The following MORN1 variants were observed in gnomAD, a reference collection of about 807,000 sequenced individuals.
MORN1 encodes MORN repeat-containing protein 1.
A neutral mutation model predicts 61.9 loss-of-function variants in MORN1; 67 were observed. The observed-to-expected ratio is 1.08, with a 90% CI of 0.89 to 1.33. MORN1 has a LOEUF of 1.33. Among genes scored for constraint, MORN1 ranks in the 40% most tolerant of loss-of-function variants. The probability of loss-of-function intolerance (pLI) is 0.00; values close to 1 mark genes in which losing one functional copy is unlikely to be tolerated. For missense variants in MORN1, 752 were observed against 691.2 expected (o/e 1.09, Z -0.99); for synonymous variants, 301 against 292.0 (o/e 1.03, Z -0.31).
rs767913017 is a variant in MORN1, at chr1:2,385,014, G to A, written c.501C>T (p.His167=). The stretch of plus-strand genomic sequence containing the variant: ...AGCCGTCGGCGCAGCGCAGCACCCC[G>A]TGTCCCTGACGCCGGTCCCGGACCC... ...GDWVRDRRQG[H]GVLRCADGST... The change falls in exon 6 of 14, where the codon CAC becomes CAT. Residue 167 remains histidine, a synonymous_variant. Coordinates refer to ENST00000378531, the MANE Select transcript of MORN1 (RefSeq NM_024848.3). 6 of 1,597,912 alleles carry A rather than the reference G, an allele frequency of 3.8e-6. No individual in the cohort carries two copies. Among genetic ancestry groups the A allele is most frequent in the Non-Finnish European group, 5.1e-6 (6 of 1,173,888 alleles).
chr1:2,374,614 C>T (rs2100342436), intron 6 of MORN1, 57 bp from the exon 7 acceptor site: 2 of 1,461,314 alleles, frequency 1.4e-6, no homozygotes, highest in Non-Finnish European at 1.9e-6. Context: ...TTTGTGGGTC[C>T]CCGCATGGCA....
At chr1:2,325,136 C>CTCCCTCCCTCCCTTCCTTCCCTTCCT (rs1640984842) in intron 12 of MORN1, among the ~76,000 whole-genome samples, 1 of 5,320 alleles carries the variant, frequency 1.9e-4, no homozygotes. Flanking sequence ...CCTTCCTTCC[C>CTCCCTCCCTCCCTTCCTTCCCTTCCT]TCCCTCCCTC....
At chr1:2,332,351 A>T in intron 12 of MORN1, 1 of 340,626 alleles carries the variant, frequency 2.9e-6, no homozygotes. Flanking sequence ...TGGTGAGCAT[A>T]GCCCGGCCAC....
At chr1:2,385,091 C>T in intron 5 of MORN1, 26 bp from the exon 6 acceptor site, 1 of 1,567,608 alleles carries the variant, frequency 6.4e-7, no homozygotes, top group Non-Finnish European at 8.6e-7. Flanking sequence ...ACGGAGTCCA[C>T]TCTCAACAGG....
At chr1:2,324,863 G>A (rs1238383666) in intron 12 of MORN1, among the ~76,000 whole-genome samples, 2 of 151,994 alleles carry the variant, frequency 1.3e-5, no homozygotes, top group South Asian at 4.1e-4. Context: ...GGGCACCCAC[G>A]GGCTGGGGCA....
At chr1:2,368,521 T>G (rs1041720377) in intron 8 of MORN1, among the ~76,000 whole-genome samples, 1 of 152,164 alleles carries the variant, frequency 6.6e-6, no homozygotes, top group Non-Finnish European at 1.5e-5. Context: ...GCATGATGCG[T>G]TGGTGGGCGT....
rs1018508560 is a variant in MORN1 at position 2,344,498 on chromosome 1, A to G, written c.1037-7648T>C. Among the ~76,000 whole-genome samples the G allele has an allele frequency of 2.0e-5, 3 of 152,156 alleles. No individual in the cohort carries two copies. The East Asian group carries it at 5.8e-4, about 29-fold the overall frequency. ...CGGGGTGTGGGGTGCAGGAGCCCCA[A>G]GGCCGATGCTGCTGAGGAGGCCAGG... On this transcript the variant is annotated intron_variant, in intron 10 of 13. Coordinates refer to ENST00000378531, the MANE Select transcript of MORN1 (RefSeq NM_024848.3).
Position 2,336,506 on chromosome 1 carries a change from TC to T in MORN1, c.1212del (p.Thr405HisfsTer28), listed in dbSNP as rs1557870908. 7 of 1,612,440 alleles carry T rather than the reference TC, an allele frequency of 4.3e-6. No homozygotes were observed. The highest frequency in any genetic ancestry group is 2.2e-5 in the South Asian group (2 of 91,042). ...GRSRGGLHPR[G>X]TPPTAQEPPG... is the part of the protein sequence containing the mutation. ...GGAGGCTCCTGTGCCGTGGGTGGTG[TC>T]CCCCTGGGGTGCAGGCCGCCTCTGG... On this transcript the variant is annotated frameshift_variant, in exon 12 of 14. Transcript: ENST00000378531. LOFTEE classifies it high-confidence loss of function.
At chr1:2,381,738 G>C (rs948210154) in intron 6 of MORN1, among the ~76,000 whole-genome samples, 7 of 152,178 alleles carry the variant, frequency 4.6e-5, no homozygotes, top group African/African-American at 1.7e-4. Flanking sequence ...GAAAGGCCTG[G>C]GGGGCCGCTT....
At chr1:2,324,620 C>G (rs968442313) in intron 12 of MORN1, among the ~76,000 whole-genome samples, 10 of 152,132 alleles carry the variant, frequency 6.6e-5, no homozygotes, top group African/African-American at 1.7e-4. Context: ...CTTGGAGGAA[C>G]AGAGGCCCAG....
chr1:2,354,945 A>C (rs1557879100), intron 10 of MORN1, among the ~76,000 whole-genome samples: 1 of 152,178 alleles, frequency 6.6e-6, no homozygotes, highest in Non-Finnish European at 1.5e-5. Context: ...CCCAAGGGAA[A>C]TATCTTTTGT....
At chr1:2,368,858 A>G (rs1189871907) in intron 8 of MORN1, among the ~76,000 whole-genome samples, 1 of 151,972 alleles carries the variant, frequency 6.6e-6, no homozygotes, top group African/African-American at 2.4e-5. Flanking sequence ...GAAGATGGAG[A>G]CCATTCTGGC....
intron 6 of MORN1, among the ~76,000 whole-genome samples, chr1:2,381,115 A>G (rs574223618): frequency 6.6e-6 from 1 of 152,362 alleles, no homozygotes; most frequent in African/African-American, 2.4e-5. Context: ...CATTATCCAG[A>G]GTCCAAGGGA....
chr1:2,356,661 C>G (rs530219679), intron 10 of MORN1, among the ~76,000 whole-genome samples: 1 of 152,302 alleles, frequency 6.6e-6, no homozygotes, highest in East Asian at 1.9e-4. Context: ...CCGGCAGCAC[C>G]CCAGGGCCTC....
rs59175712 is a variant in MORN1 at position 2,325,287 on chromosome 1, CCT to C, written c.1251-1146_1251-1145del. On this transcript the variant is annotated intron_variant, in intron 12 of 13. Coordinates refer to ENST00000378531, the MANE Select transcript of MORN1 (RefSeq NM_024848.3). ...TCTCTGCCTCTCTTTCTCTCTCTCT[CCT>C]CTCTCTCTCTCTCTCTTTTTCTCTC... Among the ~76,000 whole-genome samples the C allele has an allele frequency of 9.9e-3, 1,346 of 136,308 alleles. 26 individuals are homozygous for C. The highest frequency in any genetic ancestry group is 0.034 in the African/African-American group (1,188 of 35,236). 89.4% of individuals were successfully genotyped at this position (136,308 alleles called of 152,430 possible). A position where few individuals can be genotyped will look rare whatever the true frequency, so the allele number is the denominator to read the frequency against.
chr1:2,359,782 T>C (rs914231518), intron 8 of MORN1, among the ~76,000 whole-genome samples: 5 of 151,434 alleles, frequency 3.3e-5, no homozygotes, highest in East Asian at 1.9e-4. Flanking sequence ...TCCTTGGAGG[T>C]TGAGGCAGGA....
At chr1:2,345,095 G>A (rs1390162426) in intron 10 of MORN1, among the ~76,000 whole-genome samples, 4 of 150,522 alleles carry the variant, frequency 2.7e-5, no homozygotes, top group Non-Finnish European at 4.4e-5. Flanking sequence ...GCGTGCTCAC[G>A]CTCTACGCTC....
At chr1:2,371,013 G>A (rs1642107180) in intron 8 of MORN1, among the ~76,000 whole-genome samples, 2 of 151,722 alleles carry the variant, frequency 1.3e-5, no homozygotes, top group South Asian at 4.2e-4. Context: ...AGACCATCCT[G>A]GCCAACACGG....
At chr1:2,324,509 C>G (rs947160729) in intron 12 of MORN1, among the ~76,000 whole-genome samples, 1 of 152,220 alleles carries the variant, frequency 6.6e-6, no homozygotes, top group African/African-American at 2.4e-5. Context: ...AGACCCTGAG[C>G]CCCTGAGAGA....
Sources: allele counts gnomAD v4.1 joint callset (sites outside exome capture counted in the v4.1 genomes callset), GRCh38; gene constraint gnomAD v4.1.1; transcripts MANE v1.5; gene names NCBI Gene and HGNC (gene_info 2026-07-23, HGNC 2026-07-21).